Variants in SRRM3 observed in about 807,000 individuals in gnomAD.
SRRM3 encodes serine/arginine repetitive matrix protein 3.
In SRRM3, 27 loss-of-function variants were observed where a neutral mutation model predicts 66.2. The observed-to-expected ratio is 0.41, with a 90% CI of 0.30 to 0.56. The LOEUF (loss-of-function observed/expected upper bound fraction) is 0.56, where lower values mean the gene tolerates loss of function less well. Among genes scored for constraint, SRRM3 ranks in the 20% least tolerant of loss-of-function variants. The pLI is 0.32. For missense variants in SRRM3, 918 were observed against 991.9 expected (o/e 0.93, Z 1.00); for synonymous variants, 391 against 414.9 (o/e 0.94, Z 0.70).
intron 3 of SRRM3, among the ~76,000 whole-genome samples, chr7:76,248,813 C>T (rs1554606491): frequency 6.6e-6 from 1 of 151,884 alleles, no homozygotes; most frequent in Non-Finnish European, 1.5e-5. Flanking sequence ...AACCCTGTCT[C>T]TACTAAAAAT....
At chr7:76,254,722 A>G (rs1554607428) in intron 3 of SRRM3, among the ~76,000 whole-genome samples, 1 of 152,122 alleles carries the variant, frequency 6.6e-6, no homozygotes, top group African/African-American at 2.4e-5. Context: ...TGTGAGCTTA[A>G]GTTTTGCTAA....
At chr7:76,228,931 C>G (rs1800946900) in intron 1 of SRRM3, among the ~76,000 whole-genome samples, 1 of 147,416 alleles carries the variant, frequency 6.8e-6, no homozygotes, top group Admixed American at 6.9e-5. Flanking sequence ...CAGAGTCTCA[C>G]TCTGTCACCC....
intron 2 of SRRM3, among the ~76,000 whole-genome samples, chr7:76,246,189 A>T (rs1554606151): frequency 6.6e-6 from 1 of 152,202 alleles, no homozygotes; most frequent in Admixed American, 6.5e-5. Context: ...TGCTATAATG[A>T]CATCACCTCC....
intron 1 of SRRM3, among the ~76,000 whole-genome samples, chr7:76,215,409 T>G (rs113917408): frequency 3.9e-4 from 57 of 147,030 alleles, no homozygotes; most frequent in Middle Eastern, 3.5e-3. Flanking sequence ...TTTTTTTTTT[T>G]TTTTTTTTTT....
rs367592395 is a variant in SRRM3 at position 76,247,298 on chromosome 7, C to T, written c.234-890C>T. ...CCCAGATATCAGCCACCCCCTACCC[C>T]AAGCCAGCAGCAGAAAGAAGCAATG... On this transcript the variant is annotated intron_variant, in intron 2 of 14. Transcript: ENST00000611745. Among the ~76,000 whole-genome samples the T allele has an allele frequency of 2.3e-4, 35 of 152,188 alleles. No individual in the cohort carries two copies. The East Asian group carries it at 2.5e-3, about 11-fold the overall frequency.
intron 11 of SRRM3, among the ~76,000 whole-genome samples, chr7:76,281,125 T>A (rs1171379082): frequency 6.6e-6 from 1 of 150,590 alleles, no homozygotes; most frequent in African/African-American, 2.4e-5. Context: ...TCTCTCTTCC[T>A]CTTTCTCTTC....
intron 1 of SRRM3, among the ~76,000 whole-genome samples, chr7:76,210,976 T>TG (rs1264708685): frequency 6.6e-6 from 1 of 152,004 alleles, no homozygotes; most frequent in Non-Finnish European, 1.5e-5. Context: ...CTAATTTTTT[T>TG]TGTGTGTGTG....
At position 76,286,835 on chromosome 7, in the gene SRRM3, G is replaced by C. The variant is rs1563645903; in HGVS notation, c.*992G>C. 2.0e-5 allele frequency: 3 copies of C among 152,388 alleles called. No individual in the cohort carries two copies. The highest frequency in any genetic ancestry group is 4.4e-5 in the Non-Finnish European group (3 of 68,158). 9.4% of individuals were successfully genotyped at this position (152,388 alleles called of 1,614,324 possible). ...AGCTGACAGGTCAGCAGTGCCCCCA[G>C]CCCCACCCAAGAGGAGGGCAGCGTG... On this transcript the variant is annotated 3_prime_UTR_variant, in exon 15 of 15. Transcript: ENST00000611745.
In SRRM3 at chr7:76,287,102, C is replaced by T. The variant is rs1217728134; in HGVS notation, c.*1259C>T. On this transcript the variant is annotated 3_prime_UTR_variant, in exon 15 of 15. Coordinates refer to ENST00000611745, the MANE Select transcript of SRRM3 (RefSeq NM_001110199.3). ...GTCCTCTTCTGCTGCTCCCAGCCCCCTCCTCCTGGGGCCCTCAGGGATCTC... is the reference window on the plus strand; with the variant it reads ...GTCCTCTTCTGCTGCTCCCAGCCCCTTCCTCCTGGGGCCCTCAGGGATCTC... 9 of 152,742 alleles carry T rather than the reference C, an allele frequency of 5.9e-5. No homozygotes were observed. Among genetic ancestry groups the T allele is most frequent in the African/African-American group, 1.9e-4 (8 of 41,458 alleles). The allele number at this position is 152,742 out of a possible 1,614,324, so 9.5% of individuals were successfully genotyped here. A position where few individuals can be genotyped will look rare whatever the true frequency, so the allele number is the denominator to read the frequency against.
chr7:76,283,601 A>G, intron 14 of SRRM3: 1 of 472,474 alleles, frequency 2.1e-6, no homozygotes, highest in South Asian at 1.5e-5. Flanking sequence ...GGAGATGCCC[A>G]AGTGAGCTGG....
intron 2 of SRRM3, among the ~76,000 whole-genome samples, chr7:76,247,252 G>A (rs555033445): frequency 4.6e-5 from 7 of 152,046 alleles, no homozygotes; most frequent in African/African-American, 7.2e-5. Context: ...GAGTAGAGAC[G>A]TCAGGGGCTT....
chr7:76,207,977 C>T (rs1554601322), intron 1 of SRRM3, among the ~76,000 whole-genome samples: 1 of 152,148 alleles, frequency 6.6e-6, no homozygotes, highest in East Asian at 1.9e-4. Flanking sequence ...AGAGTCTCTC[C>T]CTTGCCCCTG....
chr7:76,240,381 G>A (rs1165279614), intron 2 of SRRM3, among the ~76,000 whole-genome samples: 1 of 152,052 alleles, frequency 6.6e-6, no homozygotes, highest in Non-Finnish European at 1.5e-5. Context: ...AGCACTTTGG[G>A]AGGCCGAGGC....
Position 76,261,362 on chromosome 7 carries a change from T to C in SRRM3, c.586T>C (p.Ser196Pro), listed in dbSNP as rs1257993868. The C allele has an allele frequency of 2.7e-6, 4 of 1,489,122 alleles. No homozygotes were observed. The highest frequency in any genetic ancestry group is 4.0e-5 in the Admixed American group (2 of 49,822). 92.2% of individuals were successfully genotyped at this position (1,489,122 alleles called of 1,614,324 possible). ...RLESECSCGS[S>P]SPLRKKKKSV... ...TCCCTGTGTCCACAGCTGTGGGAGC[T>C]CCTCACCCCTCCGCAAGAAGAAGAA... Residue 196 changes from serine (S) to proline (P), a missense_variant, in exon 7 of 15, where the codon TCC becomes CCC. Coordinates refer to ENST00000611745, the MANE Select transcript of SRRM3 (RefSeq NM_001110199.3).
chr7:76,266,511 A>C (rs1453681035), intron 10 of SRRM3, among the ~76,000 whole-genome samples: 8 of 111,462 alleles, frequency 7.2e-5, no homozygotes, highest in Non-Finnish European at 1.3e-4. Context: ...TAATATATAA[A>C]TATTTATATA....
chr7:76,231,545 G>A (rs1210326326), intron 1 of SRRM3, among the ~76,000 whole-genome samples: 4 of 152,242 alleles, frequency 2.6e-5, no homozygotes, highest in Non-Finnish European at 5.9e-5. Flanking sequence ...GAACAGCATG[G>A]CTCCCAGGGC....
intron 2 of SRRM3, among the ~76,000 whole-genome samples, chr7:76,245,303 A>C (rs1554606064): frequency 6.6e-6 from 1 of 152,202 alleles, no homozygotes; most frequent in Non-Finnish European, 1.5e-5. Context: ...GGGATCTCTG[A>C]AAGGAAAAAA....
intron 1 of SRRM3, among the ~76,000 whole-genome samples, chr7:76,223,567 A>G (rs1800775688): frequency 6.6e-6 from 1 of 152,166 alleles, no homozygotes; most frequent in South Asian, 2.1e-4. Flanking sequence ...AATGAGTTTC[A>G]CAACTTAAGG....
At chr7:76,279,242 G>T (rs1202109995) in intron 11 of SRRM3, among the ~76,000 whole-genome samples, 1 of 152,110 alleles carries the variant, frequency 6.6e-6, no homozygotes, top group African/African-American at 2.4e-5. Flanking sequence ...CTGAGAGACA[G>T]AGTGAGATGC....
Sources: allele counts gnomAD v4.1 joint callset (sites outside exome capture counted in the v4.1 genomes callset), GRCh38; gene constraint gnomAD v4.1.1; transcripts MANE v1.5; gene names NCBI Gene and HGNC (gene_info 2026-07-23, HGNC 2026-07-21).